RWDD4: variants seen among roughly 807,000 people sequenced by gnomAD.
RWDD4 encodes RWD domain-containing protein 4.
A neutral mutation model predicts 30.0 loss-of-function variants in RWDD4; 16 were observed. That is an observed-to-expected ratio of 0.53 (90% confidence interval 0.36 to 0.81). The LOEUF is 0.81. Among genes scored for constraint, RWDD4 ranks in the 30% least tolerant of loss-of-function variants. The pLI is 0.00. For synonymous variants in RWDD4, 45 were observed against 72.1 expected, an observed-to-expected ratio of 0.62 and a Z score of 1.90; for missense variants, 170 against 223.9, an observed-to-expected ratio of 0.76 and a Z score of 1.54.
intron 7 of RWDD4, 67 bp from the exon 8 acceptor site, chr4:183,641,535 T>C: frequency 2.4e-6 from 3 of 1,270,310 alleles, no homozygotes; most frequent in Non-Finnish European, 3.4e-6. Flanking sequence ...CCATGGAGTA[T>C]CAAAATTAAA....
rs1733844489 is a variant in RWDD4 at position 183,640,987 on chromosome 4, AAGAAG to A, written c.*444_*448del. ...AATTTACGGTTCAGTAATTAAGCAA[AAGAAG>A]AGATGAAGACTTAAGAGAAGAAGCC... On this transcript the variant is annotated 3_prime_UTR_variant, in exon 8 of 8. Transcript: ENST00000326397. 6.5e-6 allele frequency: 1 copy of A among 153,926 alleles called. No individual in the cohort carries two copies. The highest frequency in any genetic ancestry group is 2.1e-4 in the South Asian group (1 of 4,852). 9.5% of individuals were successfully genotyped at this position (153,926 alleles called of 1,614,324 possible).
At chr4:183,645,037 C>A (rs1733941332) in intron 7 of RWDD4, among the ~76,000 whole-genome samples, 1 of 152,040 alleles carries the variant, frequency 6.6e-6, no homozygotes, top group African/African-American at 2.4e-5. Flanking sequence ...GAGGTCAAGG[C>A]TACAGTGAGC....
intron 7 of RWDD4, among the ~76,000 whole-genome samples, chr4:183,642,360 T>C (rs1561007890): frequency 1.0e-5 from 1 of 98,644 alleles, no homozygotes; most frequent in Non-Finnish European, 2.0e-5. Context: ...CGGCTAATTT[T>C]TTGTATTTTT....
chr4:183,651,280 C>T lies in RWDD4; in HGVS notation c.153G>A (p.Trp51Ter). Residue 51 changes from tryptophan (W) to a stop codon, truncating the protein, a stop_gained, in exon 3 of 8, where the codon TGG becomes TGA. Transcript: ENST00000326397. LOFTEE classifies it high-confidence loss of function. ...GAGGTGTTTGGGGATATGTTTCTGT[C>T]CAGGAAATCTCTATTAAGAAGGCTT... ...DPKAFLIEIS[W>*]TETYPQTPPI... The T allele has an allele frequency of 6.2e-7, 1 of 1,612,592 alleles. No homozygotes were observed. Among genetic ancestry groups the T allele is most frequent in the Non-Finnish European group, 8.5e-7 (1 of 1,179,918 alleles).
rs182630723 is a variant in RWDD4 at position 183,652,820 on chromosome 4, A to G, written c.106-1493T>C. Among the ~76,000 whole-genome samples the G allele has an allele frequency of 3.3e-5, 5 of 152,040 alleles. No homozygotes were observed. In the East Asian group the frequency reaches 9.7e-4, roughly 29 times the overall value. Reference sequence around the variant, plus strand: ...CAAGACTCCATCTCAAAAAAAAAAAAAAAGAAAGAAATCCTCCCACCTCAG... The same window carrying G: ...CAAGACTCCATCTCAAAAAAAAAAAGAAAGAAAGAAATCCTCCCACCTCAG... On this transcript the variant is annotated intron_variant, in intron 2 of 7. Transcript: ENST00000326397.
chr4:183,644,245 T>C (rs1378372817), intron 7 of RWDD4, among the ~76,000 whole-genome samples: 2 of 152,166 alleles, frequency 1.3e-5, no homozygotes, highest in East Asian at 1.9e-4. Flanking sequence ...CAACATGAAG[T>C]ATCCATCAAG....
Position 183,649,508 on chromosome 4 carries a change from T to G in RWDD4, c.424A>C (p.Lys142Gln), listed in dbSNP as rs1284593240. The G allele has an allele frequency of 6.2e-7, 1 of 1,613,338 alleles. No homozygotes were observed. The highest frequency in any genetic ancestry group is 8.5e-7 in the Non-Finnish European group (1 of 1,179,490). Residue 142 changes from lysine to glutamine, a missense_variant, in exon 5 of 8, where the codon AAA becomes CAA. Transcript: ENST00000326397. ...TTTGAAAGTTGTTCTTTTTTGTCTT[T>G]TTTCTTACTTGATGGGGCTGTATTA... ...TPNTAPSSKK[K>Q]DKKEQLSKAQ...
chr4:183,644,465 C>T (rs1733928006), intron 7 of RWDD4, among the ~76,000 whole-genome samples: 1 of 152,156 alleles, frequency 6.6e-6, no homozygotes, highest in East Asian at 1.9e-4. Flanking sequence ...AAACAGCTGG[C>T]TTTAAAATAA....
chr4:183,657,557 T>A (rs996577007), intron 1 of RWDD4, among the ~76,000 whole-genome samples: 2 of 152,162 alleles, frequency 1.3e-5, no homozygotes. Flanking sequence ...TACCTAAATG[T>A]AGAAGTTGAA....
chr4:183,656,980 C>T (rs1357999978), intron 1 of RWDD4, among the ~76,000 whole-genome samples: 1 of 152,160 alleles, frequency 6.6e-6, no homozygotes, highest in Non-Finnish European at 1.5e-5. Context: ...GAGCCGAGAT[C>T]GGGCCACTGC....
intron 1 of RWDD4, among the ~76,000 whole-genome samples, chr4:183,657,625 TTAAC>T (rs1222062861): frequency 1.3e-5 from 2 of 152,152 alleles, no homozygotes; most frequent in Non-Finnish European, 2.9e-5. Context: ...GACAGTAAAT[TTAAC>T]TAGACAAAAC....
At position 183,642,630 on chromosome 4, in the gene RWDD4, C is replaced by CTCATATTAA. The variant is rs572103159; in HGVS notation, c.535-1163_535-1162insTTAATATGA. Among the ~76,000 whole-genome samples, 145 of 152,306 alleles carry CTCATATTAA rather than the reference C, an allele frequency of 9.5e-4. 1 individual carries two copies. Among genetic ancestry groups the CTCATATTAA allele is most frequent in the African/African-American group, 3.4e-3 (141 of 41,564 alleles). On this transcript the variant is annotated intron_variant, in intron 7 of 7. Transcript: ENST00000326397. ...AACAACCTGGGTTAATATGCACATCCTCAACCTACTGATTGAGAAAATTCT... is the reference window on the plus strand; with the variant it reads ...AACAACCTGGGTTAATATGCACATCCTCATATTAATCAACCTACTGATTGAGAAAATTCT...
intron 7 of RWDD4, among the ~76,000 whole-genome samples, chr4:183,643,059 AAAATAAATAAATAAATAAAT>A (rs201296160): frequency 0.042 from 4,722 of 112,308 alleles, 106 homozygotes; most frequent in Non-Finnish European, 0.048. Flanking sequence ...ACTCCGTTCA[AAAATAAATAAATAAATAAAT>A]AAATAAATAA....
Position 183,653,263 on chromosome 4 carries a change from C to A in RWDD4, c.106-1936G>T, listed in dbSNP as rs550866785. Among the ~76,000 whole-genome samples the A allele has an allele frequency of 4.6e-5, 7 of 152,222 alleles. No individual in the cohort carries two copies. In the South Asian group the frequency reaches 1.0e-3, roughly 23 times the overall value. On this transcript the variant is annotated intron_variant, in intron 2 of 7. Transcript: ENST00000326397. ...CAGATCTCTTCAACACAAACCTTTT[C>A]ATTTTGTAATTAAGGAATAATCTCG...
chr4:183,649,604 C>G, intron 4 of RWDD4, 36 bp from the exon 5 acceptor site: 1 of 1,175,792 alleles, frequency 8.5e-7, no homozygotes, highest in Non-Finnish European at 1.2e-6. Flanking sequence ...AGCCTCATAC[C>G]TTACAACTTG....
At chr4:183,651,160 G>T in intron 3 of RWDD4, 29 bp from the exon 4 acceptor site, 1 of 1,612,980 alleles carries the variant, frequency 6.2e-7, no homozygotes, top group Non-Finnish European at 8.5e-7. Context: ...ATACCTTGCT[G>T]AGAGAAAAGT....
chr4:183,649,649 T>C (rs555098383), intron 4 of RWDD4, 81 bp from the exon 5 acceptor site: 1 of 678,950 alleles, frequency 1.5e-6, no homozygotes, highest in Non-Finnish European at 2.5e-6. Context: ...CTGAAGTGGG[T>C]TGATAATTTT....
intron 7 of RWDD4, among the ~76,000 whole-genome samples, chr4:183,644,394 C>A (rs991521501): frequency 4.6e-5 from 7 of 152,184 alleles, no homozygotes; most frequent in Non-Finnish European, 7.3e-5. Context: ...TATTTTTGTA[C>A]TAGTTACTAG....
intron 3 of RWDD4, 36 bp from the exon 4 acceptor site, chr4:183,651,167 A>G: frequency 1.2e-6 from 2 of 1,610,942 alleles, no homozygotes; most frequent in Non-Finnish European, 1.7e-6. Flanking sequence ...GCTGAGAGAA[A>G]AGTATAACAG....
Sources: gnomAD v4.1 joint callset for allele counts (sites outside exome capture counted in the v4.1 genomes callset) on GRCh38, gnomAD v4.1.1 for gene constraint, MANE v1.5 for transcripts, NCBI Gene and HGNC (gene_info 2026-07-23, HGNC 2026-07-21) for gene names.